Variants in NDUFS4 observed in about 807,000 individuals in gnomAD.
The protein encoded by NDUFS4 is NADH:ubiquinone oxidoreductase subunit S4.
Under a neutral mutation model 24.3 loss-of-function variants are expected in NDUFS4, and 28 were observed. That is an observed-to-expected ratio of 1.15 (90% CI 0.85 to 1.58). NDUFS4 has a LOEUF of 1.58. Among genes scored for constraint, NDUFS4 ranks in the 40% most tolerant of loss-of-function variants. The pLI is 0.00. For synonymous variants in NDUFS4, 93 were observed against 69.7 expected, an observed-to-expected ratio of 1.34 and a Z score of -1.67; for missense variants, 223 against 207.9, an observed-to-expected ratio of 1.07 and a Z score of -0.45.
intron 1 of NDUFS4, among the ~76,000 whole-genome samples, chr5:53,594,902 A>G (rs976734638): frequency 4.9e-5 from 7 of 142,264 alleles, no homozygotes; most frequent in Non-Finnish European, 1.1e-4. Context: ...GTGTGTGTAT[A>G]TGCGTTGATT....
At chr5:53,633,824 C>A (rs1227136028) in intron 2 of NDUFS4, among the ~76,000 whole-genome samples, 1 of 152,136 alleles carries the variant, frequency 6.6e-6, no homozygotes, top group Non-Finnish European at 1.5e-5. Context: ...TCATTAAATT[C>A]TAGGCAGATT....
At chr5:53,668,152 T>C (rs2111564270) in intron 4 of NDUFS4, among the ~76,000 whole-genome samples, 1 of 152,328 alleles carries the variant, frequency 6.6e-6, no homozygotes, top group African/African-American at 2.4e-5. Flanking sequence ...AAATTGTATT[T>C]TATATTAATG....
rs552946813 is a variant in NDUFS4, at chr5:53,669,440, C to G, written c.424+10816C>G. Among the ~76,000 whole-genome samples the G allele has an allele frequency of 6.6e-5, 10 of 152,282 alleles. No homozygotes were observed. The South Asian group carries it at 2.1e-3, about 32-fold the overall frequency. On this transcript the variant is annotated intron_variant, in intron 4 of 4. Transcript: ENST00000296684. ...CATTCTTATCCCTGCCTATGAAACT[C>G]TAACCTAGTCTTCATTTCATATGCT...
intron 1 of NDUFS4, among the ~76,000 whole-genome samples, chr5:53,582,815 A>T (rs1749616564): frequency 6.6e-6 from 1 of 152,200 alleles, no homozygotes; most frequent in Non-Finnish European, 1.5e-5. Flanking sequence ...CATATAATAG[A>T]TACTTGGTAA....
At chr5:53,668,744 A>T (rs1752588981) in intron 4 of NDUFS4, among the ~76,000 whole-genome samples, 1 of 151,932 alleles carries the variant, frequency 6.6e-6, no homozygotes, top group South Asian at 2.1e-4. Flanking sequence ...TACAGGTGTA[A>T]GCCACTGCAC....
intron 2 of NDUFS4, among the ~76,000 whole-genome samples, chr5:53,607,450 G>C (rs1750557552): frequency 6.6e-6 from 1 of 151,810 alleles, no homozygotes; most frequent in Admixed American, 6.6e-5. Context: ...TGTACCTCTT[G>C]AATCTAAAAT....
At chr5:53,608,135 T>G (rs1398697852) in intron 2 of NDUFS4, among the ~76,000 whole-genome samples, 1 of 152,192 alleles carries the variant, frequency 6.6e-6, no homozygotes, top group Non-Finnish European at 1.5e-5. Context: ...GGCTTCCCAG[T>G]GCATATAAAA....
intron 3 of NDUFS4, among the ~76,000 whole-genome samples, chr5:53,655,772 G>A (rs1351455121): frequency 6.6e-6 from 1 of 152,084 alleles, no homozygotes; most frequent in Non-Finnish European, 1.5e-5. Context: ...ATGCATCATT[G>A]GAGTGGATCT....
chr5:53,598,408 A>G (rs189330790), intron 1 of NDUFS4, among the ~76,000 whole-genome samples: 37 of 152,356 alleles, frequency 2.4e-4, no homozygotes, highest in Admixed American at 1.5e-3. Flanking sequence ...ACAGATTATT[A>G]TGTGAGTTGG....
At chr5:53,616,281 G>A (rs150585340) in intron 2 of NDUFS4, among the ~76,000 whole-genome samples, 11 of 151,474 alleles carry the variant, frequency 7.3e-5, no homozygotes, top group African/African-American at 2.4e-4. Flanking sequence ...CAACAACCAT[G>A]TCCTTAGAGC....
rs536228100 is a variant in NDUFS4, at chr5:53,584,162, T to C, written c.99-19290T>C. 1.6e-4 allele frequency among the ~76,000 whole-genome samples: 24 copies of C among 152,358 alleles called. No homozygotes were observed. The South Asian group carries it at 2.5e-3, about 16-fold the overall frequency. ...GAAATTACCATTTGCATTCAAACTA[T>C]TGGCATTGCGATTATTGTTTATATG... On this transcript the variant is annotated intron_variant, in intron 1 of 4. Transcript: ENST00000296684.
intron 3 of NDUFS4, among the ~76,000 whole-genome samples, chr5:53,657,057 TGAG>T (rs1167480980): frequency 6.6e-6 from 1 of 152,090 alleles, no homozygotes; most frequent in Non-Finnish European, 1.5e-5. Context: ...ATAAATAAAG[TGAG>T]GATAATAATA....
At chr5:53,567,935 C>T (rs1461997092) in intron 1 of NDUFS4, among the ~76,000 whole-genome samples, 2 of 152,022 alleles carry the variant, frequency 1.3e-5, no homozygotes, top group Non-Finnish European at 2.9e-5. Flanking sequence ...TTGTAGAAGT[C>T]CATAGATCCT....
At chr5:53,676,933 C>T (rs1209609662) in intron 4 of NDUFS4, among the ~76,000 whole-genome samples, 1 of 151,844 alleles carries the variant, frequency 6.6e-6, no homozygotes. Flanking sequence ...GGCGCGAGCA[C>T]GAGAGAGAAT....
At chr5:53,610,370 C>T (rs1366845598) in intron 2 of NDUFS4, among the ~76,000 whole-genome samples, 1 of 151,932 alleles carries the variant, frequency 6.6e-6, no homozygotes, top group Non-Finnish European at 1.5e-5. Flanking sequence ...AAAACAATTA[C>T]AATAGTAACA....
intron 1 of NDUFS4, among the ~76,000 whole-genome samples, chr5:53,593,584 T>C (rs1342619288): frequency 6.7e-6 from 1 of 149,496 alleles, no homozygotes; most frequent in African/African-American, 2.4e-5. Context: ...TCTTCTTGCC[T>C]TAGGTTTATG....
chr5:53,611,054 G>A (rs1750679210), intron 2 of NDUFS4, among the ~76,000 whole-genome samples: 1 of 151,918 alleles, frequency 6.6e-6, no homozygotes, highest in Non-Finnish European at 1.5e-5. Flanking sequence ...TATTCACAGA[G>A]TCACTCATAG....
Sources: gnomAD v4.1 joint callset for allele counts (sites outside exome capture counted in the v4.1 genomes callset) on GRCh38, gnomAD v4.1.1 for gene constraint, MANE v1.5 for transcripts, NCBI Gene and HGNC (gene_info 2026-07-23, HGNC 2026-07-21) for gene names.